The following MAGI2 variants were observed in gnomAD, a reference collection of about 807,000 sequenced individuals.
MAGI2 encodes the protein membrane associated guanylate kinase, WW and PDZ domain containing 2, also known as membrane-associated guanylate kinase, WW and PDZ domain-containing protein 2.
Under a neutral mutation model 133.3 loss-of-function variants are expected in MAGI2, and 35 were observed. The ratio of observed to expected loss-of-function variants is 0.26; its 90% CI spans 0.20 to 0.35. The LOEUF (loss-of-function observed/expected upper bound fraction) is 0.35. Among genes scored for constraint, MAGI2 ranks in the 10% least tolerant of loss-of-function variants. The pLI, the probability that MAGI2 is intolerant of heterozygous loss-of-function variation, is 1.00. For synonymous variants in MAGI2, 729 were observed against 710.6 expected, an observed-to-expected ratio of 1.03 and a Z score of -0.41; for missense variants, 1,636 against 1,863.4, an observed-to-expected ratio of 0.88 and a Z score of 2.25.
intron 1 of MAGI2, among the ~76,000 whole-genome samples, chr7:79,446,951 C>CA (rs201762140): frequency 0.024 from 3,555 of 148,140 alleles, 97 homozygotes; most frequent in East Asian, 0.12. Context: ...GACTCCGTCT[C>CA]AAAAAAAAAT....
chr7:78,278,412 G>T (rs1795249872), intron 9 of MAGI2, among the ~76,000 whole-genome samples: 1 of 152,114 alleles, frequency 6.6e-6, no homozygotes, highest in Admixed American at 6.6e-5. Flanking sequence ...CTTGTGTTTT[G>T]TGGATCTGGA....
chr7:78,162,386 G>A (rs1213310601), intron 15 of MAGI2, among the ~76,000 whole-genome samples: 3 of 151,278 alleles, frequency 2.0e-5, no homozygotes, highest in South Asian at 2.1e-4. Context: ...TTAGCTGGGC[G>A]CAGTGGTGGG....
chr7:78,865,083 C>A (rs1474561202), intron 2 of MAGI2, among the ~76,000 whole-genome samples: 2 of 152,158 alleles, frequency 1.3e-5, no homozygotes, highest in Non-Finnish European at 2.9e-5. Context: ...ATTACATAAC[C>A]TGCTTCCGTA....
At chr7:78,391,227 T>C (rs1171928668) in intron 6 of MAGI2, among the ~76,000 whole-genome samples, 5 of 152,366 alleles carry the variant, frequency 3.3e-5, no homozygotes, top group Non-Finnish European at 7.4e-5. Context: ...ACTACAGATA[T>C]AGTGAATATA....
At chr7:78,102,194 G>T (rs2151247478) in intron 20 of MAGI2, among the ~76,000 whole-genome samples, 1 of 152,236 alleles carries the variant, frequency 6.6e-6, no homozygotes, top group African/African-American at 2.4e-5. Context: ...GTTGTCAGGG[G>T]CTGGGGGTTG....
intron 1 of MAGI2, among the ~76,000 whole-genome samples, chr7:79,109,835 C>G (rs1818765407): frequency 6.7e-6 from 1 of 150,030 alleles, no homozygotes; most frequent in African/African-American, 2.4e-5. Context: ...CCTCTGAAAT[C>G]TAGGTGGAGG....
intron 2 of MAGI2, among the ~76,000 whole-genome samples, chr7:79,006,024 C>T (rs1807403478): frequency 6.6e-6 from 1 of 152,124 alleles, no homozygotes; most frequent in African/African-American, 2.4e-5. Flanking sequence ...CAAAAGTCCA[C>T]CTCTCCTAAA....
intron 1 of MAGI2, among the ~76,000 whole-genome samples, chr7:79,245,612 G>A (rs1585312466): frequency 6.6e-6 from 1 of 152,184 alleles, no homozygotes; most frequent in Non-Finnish European, 1.5e-5. Flanking sequence ...CTCAGCTGCA[G>A]TAGAATATAG....
chr7:78,326,631 C>T (rs772792527), intron 9 of MAGI2, among the ~76,000 whole-genome samples: 5 of 152,228 alleles, frequency 3.3e-5, no homozygotes, highest in Non-Finnish European at 7.4e-5. Context: ...TGTTTCAGAA[C>T]GACAGAAGGG....
intron 5 of MAGI2, among the ~76,000 whole-genome samples, chr7:78,491,681 C>A (rs1007672730): frequency 6.6e-6 from 1 of 152,040 alleles, no homozygotes. Flanking sequence ...ACACTTTCAT[C>A]TGGTTCTGGC....
chr7:78,826,446 C>G (rs966359277), intron 2 of MAGI2, among the ~76,000 whole-genome samples: 1 of 150,680 alleles, frequency 6.6e-6, no homozygotes, highest in African/African-American at 2.4e-5. Flanking sequence ...TTTTGACATT[C>G]TGGAAAAGGC....
At chr7:78,220,303 T>C (rs971420825) in intron 10 of MAGI2, among the ~76,000 whole-genome samples, 2 of 152,176 alleles carry the variant, frequency 1.3e-5, no homozygotes, top group Admixed American at 6.6e-5. Context: ...CACCACTCTT[T>C]CTCTTCCTGG....
chr7:79,026,055 T>G (rs559952879), intron 1 of MAGI2, among the ~76,000 whole-genome samples: 56 of 152,174 alleles, frequency 3.7e-4, no homozygotes, highest in Non-Finnish European at 6.9e-4. Context: ...CATTCAATTG[T>G]CCTTACCTGA....
intron 1 of MAGI2, among the ~76,000 whole-genome samples, chr7:79,039,858 TATATATATAATA>T (rs1811478738): frequency 7.0e-6 from 1 of 143,184 alleles, no homozygotes; most frequent in African/African-American, 2.6e-5. Flanking sequence ...ATATATATTA[TATATATATAATA>T]TATATGTATA....
intron 1 of MAGI2, among the ~76,000 whole-genome samples, chr7:79,264,219 T>C (rs561691002): frequency 8.3e-4 from 127 of 152,318 alleles, no homozygotes; most frequent in Non-Finnish European, 1.5e-3. Context: ...CTGTTTTAGA[T>C]AGTGCAGATC....
chr7:79,204,544 A>G (rs1289916643), intron 1 of MAGI2, among the ~76,000 whole-genome samples: 1 of 152,078 alleles, frequency 6.6e-6, no homozygotes, highest in Non-Finnish European at 1.5e-5. Context: ...ACATCAACAC[A>G]TGACCACAGG....
chr7:78,569,125 A>AACACACACACAC (rs56351234), intron 3 of MAGI2, among the ~76,000 whole-genome samples: 68 of 148,092 alleles, frequency 4.6e-4, no homozygotes, highest in South Asian at 4.0e-3. Context: ...TGTGCATGCC[A>AACACACACACAC]ACACACACAC....
chr7:78,867,746 G>T (rs529463939), intron 2 of MAGI2, among the ~76,000 whole-genome samples: 2 of 152,090 alleles, frequency 1.3e-5, no homozygotes, highest in Non-Finnish European at 2.9e-5. Context: ...GGTGGTGATT[G>T]TCATGGTGGG....
intron 6 of MAGI2, among the ~76,000 whole-genome samples, chr7:78,474,829 T>A (rs7794836): frequency 1.3e-5 from 2 of 151,416 alleles, no homozygotes; most frequent in South Asian, 4.1e-4. Flanking sequence ...TATTTAATTT[T>A]AAATATTAAC....
Sources: allele counts gnomAD v4.1 joint callset (sites outside exome capture counted in the v4.1 genomes callset), GRCh38; gene constraint gnomAD v4.1.1; transcripts MANE v1.5; gene names NCBI Gene and HGNC (gene_info 2026-07-23, HGNC 2026-07-21).